Variants in SLC25A13 observed in about 807,000 individuals in gnomAD.
SLC25A13 encodes electrogenic aspartate/glutamate antiporter SLC25A13, mitochondrial.
SLC25A13 carries 70 observed loss-of-function variants against 85.5 expected under a neutral mutation model. That is an observed-to-expected ratio of 0.82 (90% CI 0.68 to 1.00). The LOEUF (loss-of-function observed/expected upper bound fraction) is 1.00. SLC25A13 is among the 50% of genes least tolerant of loss of function. SLC25A13 has a pLI of 0.00. For synonymous variants in SLC25A13, 259 were observed against 288.7 expected (o/e 0.90, Z 1.04); for missense variants, 765 against 819.8 (o/e 0.93, Z 0.82).
At chr7:96,137,460 A>G (rs1016653981) in intron 14 of SLC25A13, among the ~76,000 whole-genome samples, 1 of 152,160 alleles carries the variant, frequency 6.6e-6, no homozygotes, top group African/African-American at 2.4e-5. Flanking sequence ...GGTCAGTGCT[A>G]GTTCTCTATT....
intron 15 of SLC25A13, among the ~76,000 whole-genome samples, chr7:96,126,214 G>A (rs1791720695): frequency 6.6e-6 from 1 of 152,118 alleles, no homozygotes; most frequent in African/African-American, 2.4e-5. Context: ...AGGATATGCT[G>A]GCAGGGTGTG....
At chr7:96,245,560 T>G (rs6465495) in intron 3 of SLC25A13, among the ~76,000 whole-genome samples, 92,450 of 152,010 alleles carry the variant, frequency 0.61, 28,424 homozygotes, top group Non-Finnish European at 0.65. Context: ...AAAGCTATCT[T>G]ATTATACTAC....
chr7:96,213,739 G>A (rs1280646167), intron 4 of SLC25A13, among the ~76,000 whole-genome samples: 1 of 152,140 alleles, frequency 6.6e-6, no homozygotes, highest in Admixed American at 6.5e-5. Context: ...ATTAGAATTA[G>A]GTCTCTTCTG....
chr7:96,258,909 C>A (rs975302055), intron 3 of SLC25A13, among the ~76,000 whole-genome samples: 13 of 152,098 alleles, frequency 8.5e-5, no homozygotes, highest in African/African-American at 1.4e-4. Flanking sequence ...GAAATAACAC[C>A]ACACATCTAC....
At chr7:96,320,898 T>C (rs1800315017) in intron 1 of SLC25A13, among the ~76,000 whole-genome samples, 1 of 152,232 alleles carries the variant, frequency 6.6e-6, no homozygotes, top group Non-Finnish European at 1.5e-5. Flanking sequence ...TGGCCATGTT[T>C]TCCTCTTGAG....
In SLC25A13 at chr7:96,131,669, T is replaced by C. The variant is rs1792034262; in HGVS notation, c.1591+74A>G. 6.9e-6 allele frequency: 11 copies of C among 1,600,958 alleles called. No homozygotes were observed. In the South Asian group the frequency reaches 7.8e-5, roughly 11 times the overall value. On this transcript the variant is annotated intron_variant, in intron 15 of 17. Coordinates refer to ENST00000265631, the MANE Select transcript of SLC25A13 (RefSeq NM_014251.3). Reference sequence around the variant, plus strand: ...AGAACTATCAGCAAAAAAATTTCAATGTAGTAGCATGCAGCTAGGGAAGGG... The same window carrying C: ...AGAACTATCAGCAAAAAAATTTCAACGTAGTAGCATGCAGCTAGGGAAGGG...
chr7:96,229,275 C>A (rs917999229), intron 4 of SLC25A13, among the ~76,000 whole-genome samples: 2 of 152,260 alleles, frequency 1.3e-5, no homozygotes, highest in African/African-American at 4.8e-5. Flanking sequence ...ACTTGGAGAA[C>A]TTTTATGTCT....
chr7:96,276,018 T>C lies in SLC25A13; in HGVS notation c.212+1178A>G, dbSNP rs190792656. 1.1e-3 allele frequency among the ~76,000 whole-genome samples: 173 copies of C among 152,234 alleles called. 2 individuals are homozygous for C. The highest frequency in any genetic ancestry group is 2.4e-4 in the Non-Finnish European group (16 of 68,022). Reference sequence around the variant, plus strand: ...GCTGCATGTGGGAAAATCAGACACATGAAGATTCCAATAAATAGAGAAAAT... The same window carrying C: ...GCTGCATGTGGGAAAATCAGACACACGAAGATTCCAATAAATAGAGAAAAT... On this transcript the variant is annotated intron_variant, in intron 3 of 17. Coordinates refer to ENST00000265631, the MANE Select transcript of SLC25A13 (RefSeq NM_014251.3).
chr7:96,260,334 G>T (rs1797806211), intron 3 of SLC25A13, among the ~76,000 whole-genome samples: 1 of 151,918 alleles, frequency 6.6e-6, no homozygotes, highest in Admixed American at 6.6e-5. Flanking sequence ...TATCAAAAAG[G>T]ACAAAAGAGA....
chr7:96,223,772 A>T, intron 4 of SLC25A13, among the ~76,000 whole-genome samples: 1 of 140,418 alleles, frequency 7.1e-6, no homozygotes. Context: ...GGGGCAACAG[A>T]GCGAGACTCC....
Position 96,161,290 on chromosome 7 carries a change from TC to T in SLC25A13, c.1311+8754del. On this transcript the variant is annotated intron_variant, in intron 13 of 17. Transcript: ENST00000265631. ...TCATGGAATACTTTCTTGTGAAATA[TC>T]CTGGATATGCAGACACCTAGCCATG... Among the ~76,000 whole-genome samples the T allele has an allele frequency of 2.0e-5, 3 of 152,300 alleles. No homozygotes were observed. The Middle Eastern group carries it at 0.01, about 518-fold the overall frequency.
At chr7:96,139,309 A>G (rs1453878163) in intron 14 of SLC25A13, among the ~76,000 whole-genome samples, 2 of 152,224 alleles carry the variant, frequency 1.3e-5, no homozygotes, top group Non-Finnish European at 2.9e-5. Flanking sequence ...CCCAAATCCC[A>G]GCATCATGCA....
intron 14 of SLC25A13, among the ~76,000 whole-genome samples, chr7:96,132,760 A>T (rs1284511297): frequency 2.0e-5 from 3 of 152,198 alleles, no homozygotes; most frequent in Admixed American, 6.5e-5. Context: ...AAAAATTTCC[A>T]CCAAATACAG....
At chr7:96,208,318 C>A (rs761529623) in intron 5 of SLC25A13, among the ~76,000 whole-genome samples, 2 of 152,038 alleles carry the variant, frequency 1.3e-5, no homozygotes, top group Non-Finnish European at 2.9e-5. Context: ...GTGGAAATCC[C>A]ATTTAATTCT....
chr7:96,176,719 G>A (rs959486448), intron 11 of SLC25A13, among the ~76,000 whole-genome samples: 1 of 152,166 alleles, frequency 6.6e-6, no homozygotes, highest in African/African-American at 2.4e-5. Context: ...CAACTAGAGG[G>A]CTAGCATGCT....
At chr7:96,254,995 A>G (rs1584518520) in intron 3 of SLC25A13, among the ~76,000 whole-genome samples, 1 of 152,146 alleles carries the variant, frequency 6.6e-6, no homozygotes, top group South Asian at 2.1e-4. Flanking sequence ...AATCCCTAAA[A>G]ATTGAAAATA....
chr7:96,239,037 TTATATATATATATA>T (rs58990918), intron 3 of SLC25A13, among the ~76,000 whole-genome samples: 8 of 130,888 alleles, frequency 6.1e-5, no homozygotes, highest in South Asian at 2.5e-4. Flanking sequence ...ACTATATATT[TTATATATATATATA>T]TATATATATA....
intron 13 of SLC25A13, among the ~76,000 whole-genome samples, chr7:96,156,122 A>T (rs905099273): frequency 1.3e-5 from 2 of 152,230 alleles, no homozygotes; most frequent in Non-Finnish European, 2.9e-5. Context: ...AGATAAACCA[A>T]TGGATTCAGT....
At chr7:96,238,038 C>A (rs927821175) in intron 3 of SLC25A13, among the ~76,000 whole-genome samples, 2 of 152,040 alleles carry the variant, frequency 1.3e-5, no homozygotes, top group Non-Finnish European at 2.9e-5. Context: ...AAATCCCAAC[C>A]CCTAGAACCT....
Sources: gnomAD v4.1 joint callset for allele counts (sites outside exome capture counted in the v4.1 genomes callset) on GRCh38, gnomAD v4.1.1 for gene constraint, MANE v1.5 for transcripts, NCBI Gene and HGNC (gene_info 2026-07-23, HGNC 2026-07-21) for gene names.